Variants in PDE1C observed in about 807,000 individuals in gnomAD.
PDE1C encodes the protein phosphodiesterase 1C, also known as dual specificity calcium/calmodulin-dependent 3',5'-cyclic nucleotide phosphodiesterase 1C.
Under a neutral mutation model 93.1 loss-of-function variants are expected in PDE1C, and 62 were observed. That is an observed-to-expected ratio of 0.67 (90% CI 0.54 to 0.82). The LOEUF is 0.82. Ranked by LOEUF, PDE1C falls within the 40% of genes least tolerant of loss-of-function variation. The pLI is 0.00. For synonymous variants in PDE1C, 325 were observed against 310.1 expected, an observed-to-expected ratio of 1.05 and a Z score of -0.50; for missense variants, 742 against 884.6, an observed-to-expected ratio of 0.84 and a Z score of 2.04.
intron 16 of PDE1C, among the ~76,000 whole-genome samples, chr7:31,781,164 G>C (rs777985354): frequency 6.6e-6 from 1 of 152,188 alleles, no homozygotes; most frequent in African/African-American, 2.4e-5. Flanking sequence ...CCTAAGACTC[G>C]GGACTTCACA....
the PDE1C span, among the ~76,000 whole-genome samples, chr7:31,708,958 G>T: frequency 1.3e-3 from 200 of 152,300 alleles, no homozygotes; most frequent in African/African-American, 4.5e-3. Flanking sequence ...GCCGGGTGCT[G>T]GTTGAGGCAT....
chr7:32,404,733 T>C (rs1441251846), intron 1 of PDE1C, among the ~76,000 whole-genome samples: 1 of 151,948 alleles, frequency 6.6e-6, no homozygotes, highest in Non-Finnish European at 1.5e-5. Flanking sequence ...GGGGTGGGGG[T>C]ACACCTTGGA....
chr7:32,284,531 C>T (rs1811876322), intron 1 of PDE1C, among the ~76,000 whole-genome samples: 1 of 152,194 alleles, frequency 6.6e-6, no homozygotes, highest in African/African-American at 2.4e-5. Flanking sequence ...TAAGTCTTGA[C>T]CAATGCAAGA....
intron 16 of PDE1C, among the ~76,000 whole-genome samples, chr7:31,794,541 G>T (rs971402368): frequency 8.6e-5 from 13 of 151,862 alleles, no homozygotes; most frequent in African/African-American, 3.1e-4. Context: ...CACTGCCCAA[G>T]GTGTCTTACT....
At chr7:31,896,942 A>G (rs761044026) in intron 2 of PDE1C, among the ~76,000 whole-genome samples, 1 of 152,254 alleles carries the variant, frequency 6.6e-6, no homozygotes, top group Non-Finnish European at 1.5e-5. Context: ...GGATGTTAAC[A>G]TGCATTGCTG....
At chr7:32,011,072 C>T (rs771051816) in intron 2 of PDE1C, among the ~76,000 whole-genome samples, 1 of 151,928 alleles carries the variant, frequency 6.6e-6, no homozygotes, top group Non-Finnish European at 1.5e-5. Flanking sequence ...CTTCAAAAGA[C>T]AGGGTTAAGA....
intron 1 of PDE1C, among the ~76,000 whole-genome samples, chr7:32,230,859 T>C (rs548705554): frequency 6.6e-6 from 1 of 152,200 alleles, no homozygotes; most frequent in Non-Finnish European, 1.5e-5. Flanking sequence ...GAGTAAGTCA[T>C]AGAATAAGGG....
intron 10 of PDE1C, 65 bp from the exon 11 acceptor site, chr7:31,837,365 TA>T: frequency 7.0e-7 from 1 of 1,421,314 alleles, no homozygotes; most frequent in Non-Finnish European, 9.4e-7. Context: ...AAGAGTTTTT[TA>T]AAAATCATTA....
chr7:32,225,411 G>A (rs891447249), intron 1 of PDE1C, among the ~76,000 whole-genome samples: 2 of 152,066 alleles, frequency 1.3e-5, no homozygotes, highest in African/African-American at 4.8e-5. Context: ...CTAACTGCCT[G>A]GAGAACCATA....
At position 31,975,833 on chromosome 7, in the gene PDE1C, T is replaced by C. The variant is rs1240823425; in HGVS notation, c.128+75721A>G. On this transcript the variant is annotated intron_variant, in intron 2 of 17. Coordinates refer to ENST00000396191, the MANE Select transcript of PDE1C (RefSeq NM_001191057.4). ...TTCCTTACTTAGGTTGTTGGTTCGA[T>C]AATTGATATTACTGAATACCAGACA... is the stretch of plus-strand genomic sequence containing the variant. 2.0e-5 allele frequency among the ~76,000 whole-genome samples: 3 copies of C among 152,316 alleles called. No homozygotes were observed. The East Asian group carries it at 5.8e-4, about 29-fold the overall frequency.
chr7:32,419,824 C>CGCCT (rs1785355431), intron 1 of PDE1C, among the ~76,000 whole-genome samples: 1 of 151,670 alleles, frequency 6.6e-6, no homozygotes, highest in Admixed American at 6.6e-5. Context: ...ATGTAAGATG[C>CGCCT]ACACACAGAG....
intron 1 of PDE1C, among the ~76,000 whole-genome samples, chr7:32,247,276 T>C (rs1191953520): frequency 8.2e-6 from 1 of 122,000 alleles, no homozygotes; most frequent in Non-Finnish European, 1.8e-5. Flanking sequence ...CTTGGGAGCC[T>C]AGGGCTTCTT....
Position 32,423,569 on chromosome 7 carries a change from T to C in PDE1C, c.310+4253A>G, listed in dbSNP as rs151292966. ...ATGCTAAGACTCTGGTCCTATCCCA[T>C]GGCAACAAGCCTGAGCGTCTGTAAT... On this transcript the variant is annotated intron_variant, in intron 1 of 1. Coordinates refer to the PDE1C transcript ENST00000672256. Among the ~76,000 whole-genome samples the C allele has an allele frequency of 1.5e-3, 224 of 152,316 alleles. 1 individual carries two copies. The highest frequency in any genetic ancestry group is 2.6e-3 in the Non-Finnish European group (177 of 68,036).
chr7:31,758,956 C>T (rs1432511258), intron 17 of PDE1C, among the ~76,000 whole-genome samples: 1 of 152,162 alleles, frequency 6.6e-6, no homozygotes, highest in African/African-American at 2.4e-5. Context: ...CTGAATTTCC[C>T]ACTTCTCAGC....
upstream of PDE1C, chr7:32,070,839 G>C: frequency 2.0e-6 from 2 of 986,950 alleles, no homozygotes; most frequent in Non-Finnish European, 2.4e-6. Flanking sequence ...AGAGAAAAGC[G>C]GCGGCTGAGC....
intron 3 of PDE1C, among the ~76,000 whole-genome samples, chr7:32,110,931 A>G (rs1039453724): frequency 6.6e-6 from 1 of 152,140 alleles, no homozygotes; most frequent in Non-Finnish European, 1.5e-5. Context: ...TACTTTCACA[A>G]ATTGGAGGGT....
intron 4 of PDE1C, 103 bp from the exon 5 acceptor site, chr7:31,878,139 G>A: frequency 1.4e-6 from 1 of 738,844 alleles, no homozygotes; most frequent in Non-Finnish European, 2.3e-6. Context: ...AAGTCAAGTG[G>A]GGTGATCCAA....
chr7:32,196,864 G>A (rs917560426), intron 2 of PDE1C, among the ~76,000 whole-genome samples: 2 of 152,210 alleles, frequency 1.3e-5, no homozygotes, highest in Non-Finnish European at 2.9e-5. Context: ...GGTGACTGAT[G>A]AGGGAGAATA....
intron 2 of PDE1C, among the ~76,000 whole-genome samples, chr7:31,882,452 T>C (rs751148736): frequency 1.1e-4 from 17 of 152,072 alleles, no homozygotes; most frequent in African/African-American, 3.6e-4. Context: ...CAAATAAGGA[T>C]TGGAAGCTCT....
Sources: gnomAD v4.1 joint callset for allele counts (sites outside exome capture counted in the v4.1 genomes callset) on GRCh38, gnomAD v4.1.1 for gene constraint, MANE v1.5 for transcripts, NCBI Gene and HGNC (gene_info 2026-07-23, HGNC 2026-07-21) for gene names.